The following PCDHA3 variants were observed in gnomAD, a reference collection of about 807,000 sequenced individuals.
PCDHA3 encodes the protein protocadherin alpha 3.
A neutral mutation model predicts 62.2 loss-of-function variants in PCDHA3; 41 were observed. The observed-to-expected ratio is 0.66, with a 90% CI of 0.51 to 0.86. The LOEUF is 0.86. Ranked by LOEUF, PCDHA3 falls within the 40% of genes least tolerant of loss-of-function variation. The pLI is 0.00. For synonymous variants in PCDHA3, 640 were observed against 555.4 expected (o/e 1.15, Z -2.14); for missense variants, 1,304 against 1,241.2 (o/e 1.05, Z -0.76).
chr5:140,822,419 A>G (rs2150116239), intron 1 of PCDHA3: 1 of 1,614,096 alleles, frequency 6.2e-7, no homozygotes, highest in South Asian at 1.1e-5. Flanking sequence ...ATTGCAACTG[A>G]TGGAGGAAAA....
intron 1 of PCDHA3, among the ~76,000 whole-genome samples, chr5:140,845,543 T>C (rs1416946225): frequency 6.7e-6 from 1 of 149,544 alleles, no homozygotes; most frequent in Non-Finnish European, 1.5e-5. Flanking sequence ...ATTCTAATTA[T>C]GGTGATGCTT....
chr5:140,948,547 A>G (rs1054072354), intron 1 of PCDHA3, among the ~76,000 whole-genome samples: 9 of 151,490 alleles, frequency 5.9e-5, no homozygotes, highest in Admixed American at 5.9e-4. Flanking sequence ...ATGCTCTGTC[A>G]ATTTTGTTAA....
chr5:140,941,185 C>CTTT (rs782102770), intron 1 of PCDHA3, among the ~76,000 whole-genome samples: 77 of 102,238 alleles, frequency 7.5e-4, no homozygotes, highest in Admixed American at 3.0e-3. Flanking sequence ...CATCCTGCTT[C>CTTT]TTTTTTTTTC....
intron 1 of PCDHA3, chr5:140,824,193 C>T: frequency 1.2e-6 from 2 of 1,601,982 alleles, no homozygotes; most frequent in Non-Finnish European, 1.7e-6. Context: ...GTCACATTCA[C>T]CCACTTTTTT....
rs182574783 is a variant in PCDHA3, at chr5:140,952,922, G to A, written c.2395-26027G>A. Among the ~76,000 whole-genome samples the A allele has an allele frequency of 2.3e-3, 351 of 152,216 alleles. 2 individuals carry two copies. Among genetic ancestry groups the A allele is most frequent in the Admixed American group, 5.6e-3 (85 of 15,264 alleles). Reference sequence around the variant, plus strand: ...ATCAAGCTCATCTTACATGGCATGAGCAGGAGCAGGAGCAAGAGAGAGAGA... The same window carrying A: ...ATCAAGCTCATCTTACATGGCATGAACAGGAGCAGGAGCAAGAGAGAGAGA... On this transcript the variant is annotated intron_variant, in intron 1 of 3. Transcript: ENST00000522353.
chr5:141,002,399 T>C (rs1352771753), intron 3 of PCDHA3, among the ~76,000 whole-genome samples: 1 of 152,236 alleles, frequency 6.6e-6, no homozygotes, highest in African/African-American at 2.4e-5. Context: ...GGCATCTCTG[T>C]GCCTCCCAAA....
At position 140,850,923 on chromosome 5, in the gene PCDHA3, AT is replaced by A. The variant is rs2150502772; in HGVS notation, c.2394+47340del. 1.2e-4 allele frequency: 181 copies of A among 1,521,692 alleles called. 10 individuals carry two copies. The South Asian group carries it at 1.6e-3, about 13-fold the overall frequency. 94.3% of individuals were successfully genotyped at this position (1,521,692 alleles called of 1,614,324 possible). ...TTCTAGCATTTTATTTATTTATATAATTTTTTTTCTTGAAAGATATTATCGA... is the reference window on the plus strand; with the variant it reads ...TTCTAGCATTTTATTTATTTATATAATTTTTTTCTTGAAAGATATTATCGA... On this transcript the variant is annotated intron_variant, in intron 1 of 3. Coordinates refer to ENST00000522353, the MANE Select transcript of PCDHA3 (RefSeq NM_018906.3).
chr5:140,928,452 G>A (rs1284379241), intron 1 of PCDHA3: 1 of 1,614,008 alleles, frequency 6.2e-7, no homozygotes, highest in Non-Finnish European at 8.5e-7. Flanking sequence ...AGCTCAGGGG[G>A]TTTCATTTCC....
At chr5:140,813,290 C>T (rs1028999226) in intron 1 of PCDHA3, 2 of 152,150 alleles carry the variant, frequency 1.3e-5, no homozygotes, top group South Asian at 4.1e-4. Flanking sequence ...TTGTATCATT[C>T]TGAGATTTCA....
intron 1 of PCDHA3, among the ~76,000 whole-genome samples, chr5:140,909,474 C>G (rs1554193804): frequency 6.6e-6 from 1 of 152,182 alleles, no homozygotes; most frequent in African/African-American, 2.4e-5. Context: ...TCTTCACAGG[C>G]TAAATAGGAG....
In PCDHA3 at chr5:140,968,167, A is replaced by G. The variant is rs782252124; in HGVS notation, c.2395-10782A>G. 1.3e-4 allele frequency: 217 copies of G among 1,613,958 alleles called. 1 individual carries two copies. The highest frequency in any genetic ancestry group is 9.3e-6 in the Non-Finnish European group (11 of 1,180,038). On this transcript the variant is annotated intron_variant, in intron 1 of 3. Transcript: ENST00000522353. ...TCTCTGACATCAATGACAATCCACC[A>G]AGCTTCCTGGAGGACTCCTATTCCA...
chr5:140,808,537 C>A, intron 1 of PCDHA3: 1 of 1,614,170 alleles, frequency 6.2e-7, no homozygotes, highest in South Asian at 1.1e-5. Flanking sequence ...ATGTGAACGA[C>A]AACGCTCCGG....
chr5:140,830,936 TTTA>T (rs1554133060), intron 1 of PCDHA3: 4 of 152,346 alleles, frequency 2.6e-5, no homozygotes. Flanking sequence ...TGTCGACACT[TTTA>T]TTAAGCTAAC....
chr5:140,926,125 A>G (rs1584421625), intron 1 of PCDHA3, among the ~76,000 whole-genome samples: 2 of 152,180 alleles, frequency 1.3e-5, no homozygotes, highest in Admixed American at 6.5e-5. Flanking sequence ...ACAGACTTCA[A>G]CCCGCAGCAG....
chr5:140,995,883 A>C (rs892876266), intron 3 of PCDHA3, among the ~76,000 whole-genome samples: 2 of 152,232 alleles, frequency 1.3e-5, no homozygotes, highest in Admixed American at 6.5e-5. Flanking sequence ...CCTGTGCTTC[A>C]GATTTATCAA....
chr5:140,882,347 G>A (rs1554173687), intron 1 of PCDHA3: 3 of 1,614,198 alleles, frequency 1.9e-6, no homozygotes, highest in South Asian at 2.2e-5. Context: ...CTGGGAGACG[G>A]GTAGTGGCCA....
At position 140,829,914 on chromosome 5, in the gene PCDHA3, C is replaced by G. The variant is rs2150177647; in HGVS notation, c.2394+26323C>G. ...GACTCAGGCTACAACGCGTGGCTTT[C>G]GTATGAGCTGCAGCCCCCGGCAAGC... On this transcript the variant is annotated intron_variant, in intron 1 of 3. Coordinates refer to ENST00000522353, the MANE Select transcript of PCDHA3 (RefSeq NM_018906.3). The G allele has an allele frequency of 6.2e-7, 1 of 1,613,998 alleles. No homozygotes were observed.
rs557916636 is a variant in PCDHA3, at chr5:141,000,518, C to G, written c.2543-9109C>G. The stretch of plus-strand genomic sequence containing the variant: ...TCTCGGCTCACTGCAACCTCCTTCT[C>G]CAGGGTTCAAGTGATTCTCATGCCT... On this transcript the variant is annotated intron_variant, in intron 3 of 3. Transcript: ENST00000522353. Among the ~76,000 whole-genome samples the G allele has an allele frequency of 6.9e-4, 100 of 144,062 alleles. 3 individuals are homozygous for G. In the South Asian group the frequency reaches 0.021, roughly 31 times the overall value. 94.5% of individuals were successfully genotyped at this position (144,062 alleles called of 152,430 possible). A position where few individuals can be genotyped will look rare whatever the true frequency, so the allele number is the denominator to read the frequency against.
chr5:140,938,753 T>G (rs1381426227), intron 1 of PCDHA3, among the ~76,000 whole-genome samples: 3 of 152,170 alleles, frequency 2.0e-5, no homozygotes, highest in Admixed American at 1.3e-4. Flanking sequence ...TTTAAAGGCA[T>G]AGTTATTGGG....
Sources: gnomAD v4.1 joint callset for allele counts (sites outside exome capture counted in the v4.1 genomes callset) on GRCh38, gnomAD v4.1.1 for gene constraint, MANE v1.5 for transcripts, NCBI Gene and HGNC (gene_info 2026-07-23, HGNC 2026-07-21) for gene names.